MAP2: variants seen among roughly 807,000 people sequenced by gnomAD.
MAP2 encodes microtubule associated protein 2.
Under a neutral mutation model 137.6 loss-of-function variants are expected in MAP2, and 14 were observed. The ratio of observed to expected loss-of-function variants is 0.10; its 90% CI spans 0.07 to 0.16. MAP2 has a LOEUF of 0.16. MAP2 is among the 10% of genes least tolerant of loss of function. The pLI, the probability that MAP2 is intolerant of heterozygous loss-of-function variation, is 1.00. For missense variants in MAP2, 2,088 were observed against 2,191.5 expected, an observed-to-expected ratio of 0.95 and a Z score of 0.94; for synonymous variants, 786 against 782.3, an observed-to-expected ratio of 1.00 and a Z score of -0.08.
At chr2:209,636,992 C>T (rs1398586104) in intron 4 of MAP2, among the ~76,000 whole-genome samples, 26 of 152,104 alleles carry the variant, frequency 1.7e-4, no homozygotes, top group Admixed American at 1.5e-3. Context: ...TCCTGTAGAG[C>T]TTCGTCAGGT....
chr2:209,708,877 A>T (rs1365114516), intron 12 of MAP2, among the ~76,000 whole-genome samples: 1 of 152,176 alleles, frequency 6.6e-6, no homozygotes, highest in Non-Finnish European at 1.5e-5. Context: ...TTTCTTAGGA[A>T]TAATAAGAGC....
At chr2:209,667,427 A>T (rs1408455566) in intron 5 of MAP2, among the ~76,000 whole-genome samples, 15 of 151,956 alleles carry the variant, frequency 9.9e-5, no homozygotes, top group Admixed American at 9.2e-4. Context: ...TAAACTAGCA[A>T]AGGGAAAGGA....
In MAP2 at chr2:209,730,584, C is replaced by T. The variant is rs2075656709; in HGVS notation, c.*187C>T. 1 of 582,136 alleles carries T rather than the reference C, an allele frequency of 1.7e-6. No homozygotes were observed. Among genetic ancestry groups the T allele is most frequent in the Non-Finnish European group, 3.0e-6 (1 of 328,922 alleles). The allele number at this position is 582,136 out of a possible 1,614,324, so 36.1% of individuals were successfully genotyped here. A position where few individuals can be genotyped will look rare whatever the true frequency, so the allele number is the denominator to read the frequency against. On this transcript the variant is annotated 3_prime_UTR_variant, in exon 16 of 16. Transcript: ENST00000682079. ...GTACATGCAGAAATTGACCTGATTT[C>T]CATTTGCAACAGGAAGACACTGGCT...
intron 1 of MAP2, among the ~76,000 whole-genome samples, chr2:209,482,947 C>T (rs1483046410): frequency 6.6e-6 from 1 of 152,076 alleles, no homozygotes; most frequent in Non-Finnish European, 1.5e-5. Flanking sequence ...TTTATCTTGT[C>T]ATTCCTACAG....
At chr2:209,556,662 T>TAA (rs111264428) in intron 2 of MAP2, among the ~76,000 whole-genome samples, 4 of 108,486 alleles carry the variant, frequency 3.7e-5, no homozygotes, top group Admixed American at 9.9e-5. Flanking sequence ...TCTGGCCTAT[T>TAA]AAAAAAAAAA....
At chr2:209,525,828 G>A (rs77136716) in intron 2 of MAP2, among the ~76,000 whole-genome samples, 1 of 152,020 alleles carries the variant, frequency 6.6e-6, no homozygotes, top group African/African-American at 2.4e-5. Flanking sequence ...CATTTCTTTA[G>A]AATTTCTCTT....
chr2:209,461,381 T>C (rs947196291), intron 1 of MAP2, among the ~76,000 whole-genome samples: 1 of 152,222 alleles, frequency 6.6e-6, no homozygotes, highest in Non-Finnish European at 1.5e-5. Context: ...CATAAGTTTA[T>C]ATTGGATCAT....
At chr2:209,642,881 A>C (rs551024717) in intron 4 of MAP2, among the ~76,000 whole-genome samples, 1 of 152,346 alleles carries the variant, frequency 6.6e-6, no homozygotes, top group East Asian at 1.9e-4. Flanking sequence ...TGGATTCTGC[A>C]TAAACTTCTA....
intron 2 of MAP2, among the ~76,000 whole-genome samples, chr2:209,555,815 A>G (rs2153321787): frequency 6.6e-6 from 1 of 152,206 alleles, no homozygotes; most frequent in Non-Finnish European, 1.5e-5. Flanking sequence ...TAAACTGGAG[A>G]ATGCCAATAT....
At chr2:209,635,992 C>G (rs1206728620) in intron 4 of MAP2, among the ~76,000 whole-genome samples, 1 of 152,134 alleles carries the variant, frequency 6.6e-6, no homozygotes, top group African/African-American at 2.4e-5. Flanking sequence ...CTGAGTATCT[C>G]TGTCAAATCA....
intron 1 of MAP2, among the ~76,000 whole-genome samples, chr2:209,488,905 C>A (rs540822188): frequency 6.6e-6 from 1 of 152,198 alleles, no homozygotes; most frequent in Non-Finnish European, 1.5e-5. Context: ...CTGAGGAGGG[C>A]AGCAGATCTC....
intron 3 of MAP2, among the ~76,000 whole-genome samples, chr2:209,589,437 A>T (rs1349250822): frequency 2.0e-5 from 3 of 152,214 alleles, no homozygotes; most frequent in African/African-American, 7.2e-5. Flanking sequence ...AAATGAGTGT[A>T]TTGCCCTAAA....
chr2:209,512,778 A>G (rs894222647), intron 2 of MAP2, among the ~76,000 whole-genome samples: 2 of 151,982 alleles, frequency 1.3e-5, no homozygotes, highest in Non-Finnish European at 2.9e-5. Context: ...AGTAGCTAGG[A>G]CTGTGGTAGC....
chr2:209,696,470 A>G (rs1014880004), intron 8 of MAP2, 72 bp from the exon 9 acceptor site: 37 of 1,507,926 alleles, frequency 2.5e-5, no homozygotes, highest in Admixed American at 2.0e-4. Flanking sequence ...TTAAATATAC[A>G]AAGGATTTTG....
intron 4 of MAP2, among the ~76,000 whole-genome samples, chr2:209,625,376 G>A (rs999245865): frequency 6.6e-5 from 10 of 152,140 alleles, no homozygotes; most frequent in Non-Finnish European, 8.8e-5. Context: ...CTTAAATCAG[G>A]ATTGAATTCA....
At chr2:209,624,570 C>T (rs1028097297) in intron 3 of MAP2, among the ~76,000 whole-genome samples, 1 of 152,078 alleles carries the variant, frequency 6.6e-6, no homozygotes, top group Non-Finnish European at 1.5e-5. Context: ...TTTAGTACTC[C>T]ATGGAGAAAA....
chr2:209,527,759 T>C (rs1016211061), intron 2 of MAP2, among the ~76,000 whole-genome samples: 3 of 152,140 alleles, frequency 2.0e-5, no homozygotes, highest in African/African-American at 7.2e-5. Context: ...GGGTACTTGT[T>C]AGAAATGTAA....
At chr2:209,729,998 T>TAA (rs375816397) in intron 15 of MAP2, 36 bp downstream of exon 15, 5 of 1,424,730 alleles carry the variant, frequency 3.5e-6, no homozygotes, top group Admixed American at 1.8e-5. Flanking sequence ...CTTGTCTTTT[T>TAA]AAAAAAAATT....
chr2:209,526,799 A>G (rs1166015876), intron 2 of MAP2, among the ~76,000 whole-genome samples: 1 of 151,444 alleles, frequency 6.6e-6, no homozygotes, highest in Non-Finnish European at 1.5e-5. Flanking sequence ...CTGTTTTCTG[A>G]TGATGGTCAT....
Sources: gnomAD v4.1 joint callset for allele counts (sites outside exome capture counted in the v4.1 genomes callset) on GRCh38, gnomAD v4.1.1 for gene constraint, MANE v1.5 for transcripts, NCBI Gene and HGNC (gene_info 2026-07-23, HGNC 2026-07-21) for gene names.